AOAH: variants seen among roughly 807,000 people sequenced by gnomAD.
The protein encoded by AOAH is acyloxyacyl hydrolase, also known as acyloxyacyl hydrolase (neutrophil).
A neutral mutation model predicts 92.2 loss-of-function variants in AOAH; 64 were observed. The observed-to-expected ratio is 0.69, with a 90% CI of 0.57 to 0.86. The LOEUF (loss-of-function observed/expected upper bound fraction) is 0.86, where lower values mean the gene tolerates loss of function less well. Ranked by LOEUF, AOAH falls within the 40% of genes least tolerant of loss-of-function variation. The probability of loss-of-function intolerance (pLI) is 0.00; values close to 1 mark genes in which losing one functional copy is unlikely to be tolerated. For synonymous variants in AOAH, 263 were observed against 254.5 expected, an observed-to-expected ratio of 1.03 and a Z score of -0.32; for missense variants, 656 against 694.6, an observed-to-expected ratio of 0.94 and a Z score of 0.62.
In AOAH at chr7:36,680,203, C is replaced by T. The variant is rs999081759; in HGVS notation, c.224-6194G>A. 1.1e-4 allele frequency among the ~76,000 whole-genome samples: 17 copies of T among 152,154 alleles called. 2 individuals carry two copies. The highest frequency in any genetic ancestry group is 9.2e-4 in the Admixed American group (14 of 15,286). On this transcript the variant is annotated intron_variant, in intron 2 of 20. Transcript: ENST00000617537. The stretch of plus-strand genomic sequence containing the variant: ...ATTAATCATTTTCCATTAACAATTC[C>T]GAGATTCTTCCAAGGTGCTTCCTAA...
rs57628897 is a variant in AOAH at position 36,523,629 on chromosome 7, G to GT, written c.1523-1515dup. ...TCAGTTTGCCTGGCCTGTTTTGCCTGTTTTTTTTTTTTTTTTTTTTGGCAT... is the reference window on the plus strand; with the variant it reads ...TCAGTTTGCCTGGCCTGTTTTGCCTGTTTTTTTTTTTTTTTTTTTTTGGCAT... On this transcript the variant is annotated intron_variant, in intron 19 of 20. Coordinates refer to ENST00000617537, the MANE Select transcript of AOAH (RefSeq NM_001637.4). 6.9e-3 allele frequency among the ~76,000 whole-genome samples: 688 copies of GT among 100,104 alleles called. 39 individuals are homozygous for GT. The highest frequency in any genetic ancestry group is 0.022 in the African/African-American group (549 of 24,666). 65.7% of individuals were successfully genotyped at this position (100,104 alleles called of 152,430 possible). A position where few individuals can be genotyped will look rare whatever the true frequency, so the allele number is the denominator to read the frequency against.
At chr7:36,553,368 T>G (rs1786432132) in intron 13 of AOAH, among the ~76,000 whole-genome samples, 1 of 152,036 alleles carries the variant, frequency 6.6e-6, no homozygotes, top group African/African-American at 2.4e-5. Context: ...TGCCACATTT[T>G]CTTAATCCAG....
chr7:36,513,932 TG>T lies in AOAH; in HGVS notation c.1600-553del, dbSNP rs541736311. Among the ~76,000 whole-genome samples the T allele has an allele frequency of 2.9e-3, 442 of 152,374 alleles. 7 individuals carry two copies. Among genetic ancestry groups the T allele is most frequent in the Middle Eastern group, 0.01 (3 of 294 alleles). ...GTTAAGCTGCTAAGTGTATGGAATT[TG>T]TTTTTTCAGTAATAGATTAAAAATT... On this transcript the variant is annotated intron_variant, in intron 20 of 20. Coordinates refer to ENST00000617537, the MANE Select transcript of AOAH (RefSeq NM_001637.4).
chr7:36,574,859 T>C (rs547464115), intron 13 of AOAH, among the ~76,000 whole-genome samples: 4 of 152,356 alleles, frequency 2.6e-5, no homozygotes, highest in South Asian at 4.1e-4. Context: ...ACCTTTTTTT[T>C]CCCTTTCTTT....
intron 11 of AOAH, among the ~76,000 whole-genome samples, chr7:36,600,408 C>A (rs1046922892): frequency 2.0e-5 from 3 of 152,182 alleles, no homozygotes; most frequent in Non-Finnish European, 4.4e-5. Flanking sequence ...TTGATTCAGG[C>A]CCCTGGAGGA....
chr7:36,555,198 T>C (rs1373422330), intron 13 of AOAH, among the ~76,000 whole-genome samples: 2 of 151,106 alleles, frequency 1.3e-5, no homozygotes, highest in East Asian at 1.9e-4. Flanking sequence ...GCATGAAGGG[T>C]TGTTGAATTT....
chr7:36,513,235 G>C lies in AOAH; in HGVS notation c.*17C>G. ...CTGCCTCCCTGTGCTCCCCAGGGGT[G>C]CATGCTCCTGAGAGGCTCAGTGCCC... On this transcript the variant is annotated 3_prime_UTR_variant, in exon 21 of 21. Coordinates refer to ENST00000617537, the MANE Select transcript of AOAH (RefSeq NM_001637.4). The C allele has an allele frequency of 6.2e-7, 1 of 1,614,186 alleles. No individual in the cohort carries two copies. Among genetic ancestry groups the C allele is most frequent in the Non-Finnish European group, 8.5e-7 (1 of 1,180,028 alleles).
chr7:36,515,111 CA>C (rs1783520101), intron 20 of AOAH, among the ~76,000 whole-genome samples: 1 of 149,230 alleles, frequency 6.7e-6, no homozygotes. Flanking sequence ...ACACCACACA[CA>C]CATAATCACA....
intron 1 of AOAH, among the ~76,000 whole-genome samples, chr7:36,699,093 T>C (rs747640769): frequency 1.3e-5 from 2 of 152,122 alleles, no homozygotes; most frequent in Non-Finnish European, 2.9e-5. Context: ...TTACTTAATA[T>C]AGGAACCTCC....
chr7:36,517,376 C>T (rs1443534929), intron 20 of AOAH, among the ~76,000 whole-genome samples: 9 of 151,468 alleles, frequency 5.9e-5, no homozygotes, highest in African/African-American at 2.2e-4. Context: ...CCGGAAGCTC[C>T]GCCTCCCAGG....
chr7:36,698,278 C>T (rs1333372222), intron 1 of AOAH, among the ~76,000 whole-genome samples: 1 of 152,054 alleles, frequency 6.6e-6, no homozygotes, highest in African/African-American at 2.4e-5. Context: ...ACAGTGATGT[C>T]CCGTCTTGTT....
chr7:36,633,074 A>G (rs966354115), intron 5 of AOAH, among the ~76,000 whole-genome samples: 1 of 152,190 alleles, frequency 6.6e-6, no homozygotes, highest in African/African-American at 2.4e-5. Flanking sequence ...AGGCCAAGGC[A>G]CTAGCACGTG....
chr7:36,653,111 AC>A (rs1562661293), intron 4 of AOAH, among the ~76,000 whole-genome samples: 2 of 152,224 alleles, frequency 1.3e-5, no homozygotes, highest in Non-Finnish European at 2.9e-5. Flanking sequence ...TTACCAAAAA[AC>A]GTTTATTTGA....
At chr7:36,699,384 T>C (rs1797898860) in intron 1 of AOAH, among the ~76,000 whole-genome samples, 1 of 152,148 alleles carries the variant, frequency 6.6e-6, no homozygotes, top group South Asian at 2.1e-4. Context: ...ACTTCCCTAC[T>C]GTTTTCCACA....
intron 20 of AOAH, chr7:36,514,571 T>C (rs1245970865): frequency 6.5e-7 from 1 of 1,535,736 alleles, no homozygotes; most frequent in Non-Finnish European, 8.7e-7. Flanking sequence ...TAATATGCCT[T>C]TGAGGAGGAT....
At chr7:36,530,380 C>T in intron 19 of AOAH, 38 bp downstream of exon 19, 1 of 1,460,482 alleles carries the variant, frequency 6.8e-7, no homozygotes, top group Non-Finnish European at 9.6e-7. Flanking sequence ...CTAGCTGCTG[C>T]TTTCATCTTC....
chr7:36,637,878 T>G lies in AOAH; in HGVS notation c.423A>C (p.Arg141Ser). The G allele has an allele frequency of 6.2e-7, 1 of 1,614,124 alleles. No individual in the cohort carries two copies. Reference sequence around the variant, plus strand: ...GAATCGGGGACTTCTTGACAATTTGTCTTGCCTTCTGTAGTGTAAATTTCC... The same window carrying G: ...GAATCGGGGACTTCTTGACAATTTGGCTTGCCTTCTGTAGTGTAAATTTCC... ...ETWKFTLQKA[R>S]QIVKKSPILK... The change falls in exon 5 of 21, where the codon AGA becomes AGC. Residue 141 changes from arginine (R) to serine (S), a missense_variant. Transcript: ENST00000617537.
At chr7:36,686,664 C>T in intron 2 of AOAH, 35 bp downstream of exon 2, 1 of 1,308,064 alleles carries the variant, frequency 7.6e-7, no homozygotes, top group Non-Finnish European at 1.0e-6. Context: ...AGAGGACAAG[C>T]AGACCCTCAG....
intron 5 of AOAH, among the ~76,000 whole-genome samples, chr7:36,634,916 G>GTCTT (rs1221326753): frequency 1.3e-5 from 2 of 152,216 alleles, no homozygotes; most frequent in South Asian, 2.1e-4. Context: ...GGCTGCAGCT[G>GTCTT]TCTTTGCCAT....
Sources: allele counts gnomAD v4.1 joint callset (sites outside exome capture counted in the v4.1 genomes callset), GRCh38; gene constraint gnomAD v4.1.1; transcripts MANE v1.5; gene names NCBI Gene and HGNC (gene_info 2026-07-23, HGNC 2026-07-21).